EMP2: variants seen among roughly 807,000 people sequenced by gnomAD.
The protein encoded by EMP2 is epithelial membrane protein 2.
Under a neutral mutation model 13.7 loss-of-function variants are expected in EMP2, and 19 were observed. The observed-to-expected ratio is 1.38, with a 90% CI of 0.97 to 2.03. EMP2 has a LOEUF of 2.03. Ranked by LOEUF, EMP2 falls within the 30% of genes most tolerant of loss-of-function variation. The pLI is 0.00. For missense variants in EMP2, 253 were observed against 220.7 expected, an observed-to-expected ratio of 1.15 and a Z score of -0.93; for synonymous variants, 97 against 84.7, an observed-to-expected ratio of 1.15 and a Z score of -0.80.
intron 1 of EMP2, among the ~76,000 whole-genome samples, chr16:10,558,265 C>T (rs2050846982): frequency 6.6e-6 from 1 of 152,088 alleles, no homozygotes; most frequent in African/African-American, 2.4e-5. Context: ...GGCCTCAAGC[C>T]ATCCTCCCAC....
chr16:10,558,497 G>C (rs935983417), intron 1 of EMP2, among the ~76,000 whole-genome samples: 1 of 152,190 alleles, frequency 6.6e-6, no homozygotes, highest in East Asian at 1.9e-4. Context: ...GTGTGTGTGT[G>C]TGTGTGTGTC....
At chr16:10,575,398 C>T (rs928275321) in intron 1 of EMP2, among the ~76,000 whole-genome samples, 13 of 151,622 alleles carry the variant, frequency 8.6e-5, no homozygotes, top group East Asian at 5.9e-4. Flanking sequence ...GGACTACAGG[C>T]GCCCGCCACC....
At chr16:10,565,336 A>G (rs2050900320) in intron 1 of EMP2, among the ~76,000 whole-genome samples, 1 of 152,204 alleles carries the variant, frequency 6.6e-6, no homozygotes, top group Admixed American at 6.5e-5. Context: ...AGTCAAGCAG[A>G]TTGCCCTCCC....
intron 1 of EMP2, among the ~76,000 whole-genome samples, chr16:10,551,429 C>G (rs1027973830): frequency 6.6e-6 from 1 of 152,142 alleles, no homozygotes; most frequent in Non-Finnish European, 1.5e-5. Flanking sequence ...GTTTTTGAGA[C>G]AGAGTCTTGC....
chr16:10,545,061 C>T (rs1430844594), intron 2 of EMP2: 2 of 152,156 alleles, frequency 1.3e-5, no homozygotes, highest in Non-Finnish European at 2.9e-5. Context: ...ATAATGAATA[C>T]CCTCAGACTC....
chr16:10,544,410 A>C (rs2050723977), intron 2 of EMP2: 1 of 151,948 alleles, frequency 6.6e-6, no homozygotes, highest in African/African-American at 2.4e-5. Flanking sequence ...CAAACTTCTG[A>C]CCTCAGGTGA....
At chr16:10,572,375 T>C (rs1489503485) in intron 1 of EMP2, among the ~76,000 whole-genome samples, 2 of 151,710 alleles carry the variant, frequency 1.3e-5, no homozygotes, top group Non-Finnish European at 2.9e-5. Context: ...TGAGCCCAGG[T>C]GTTCGCGGCT....
chr16:10,573,497 A>T (rs1206071594), intron 1 of EMP2, among the ~76,000 whole-genome samples: 1 of 152,182 alleles, frequency 6.6e-6, no homozygotes, highest in Non-Finnish European at 1.5e-5. Flanking sequence ...CTGGATTTTC[A>T]AAACAGTCCC....
chr16:10,564,228 C>T (rs1464827513), intron 1 of EMP2, among the ~76,000 whole-genome samples: 5 of 152,148 alleles, frequency 3.3e-5, no homozygotes, highest in East Asian at 3.9e-4. Flanking sequence ...CAGTGGCTCA[C>T]GCCTGTAATC....
rs997642459 is a variant in EMP2, at chr16:10,532,944, G to A, written c.465C>T (p.Ile155=). 4.4e-6 allele frequency: 7 copies of A among 1,603,820 alleles called. No individual in the cohort carries two copies. In the African/African-American group the frequency reaches 8.0e-5, roughly 18 times the overall value. The change falls in exon 5 of 5, where the codon ATC becomes ATT. Residue 155 remains isoleucine, a synonymous_variant. Transcript: ENST00000359543. ...TCAGTATCAGGTACATCATGCCGCT[G>A]ATGAAGGTGCAGGCGAAGGCCACCC... ...LAWVAFACTF[I]SGMMYLILRK... is the part of the protein sequence containing the mutation.
chr16:10,547,263 A>T (rs1248073606), intron 2 of EMP2: 1 of 356,746 alleles, frequency 2.8e-6, no homozygotes, highest in Non-Finnish European at 5.1e-6. Flanking sequence ...TGTGGTAGTG[A>T]ATAAGTCTCA....
At chr16:10,562,086 T>A (rs993957621) in intron 1 of EMP2, among the ~76,000 whole-genome samples, 1 of 152,140 alleles carries the variant, frequency 6.6e-6, no homozygotes. Flanking sequence ...CAGCATTGCC[T>A]TGATTCCAAA....
At chr16:10,577,081 C>G (rs1047260053) in intron 1 of EMP2, among the ~76,000 whole-genome samples, 3 of 152,170 alleles carry the variant, frequency 2.0e-5, no homozygotes, top group African/African-American at 7.2e-5. Flanking sequence ...CACTGAACTC[C>G]CCTCAGCTGT....
chr16:10,551,078 C>A (rs1255596912), intron 1 of EMP2, among the ~76,000 whole-genome samples: 3 of 152,096 alleles, frequency 2.0e-5, no homozygotes, highest in Non-Finnish European at 4.4e-5. Flanking sequence ...TATCCATCAC[C>A]ACTATCCAGT....
At chr16:10,558,478 AGTGTGT>A (rs61441812) in intron 1 of EMP2, among the ~76,000 whole-genome samples, 3,272 of 149,976 alleles carry the variant, frequency 0.022, 93 homozygotes, top group African/African-American at 0.069. Flanking sequence ...GTTTGCTTAA[AGTGTGT>A]GTGTGTGTGT....
At chr16:10,574,089 C>T (rs1320509027) in intron 1 of EMP2, among the ~76,000 whole-genome samples, 1 of 151,912 alleles carries the variant, frequency 6.6e-6, no homozygotes, top group Non-Finnish European at 1.5e-5. Flanking sequence ...AGGTGCACAC[C>T]ACCAAGCCCA....
chr16:10,547,475 T>A, intron 2 of EMP2, 65 bp downstream of exon 2: 1 of 1,558,556 alleles, frequency 6.4e-7, no homozygotes, highest in Non-Finnish European at 8.8e-7. Context: ...AACAGACCAA[T>A]ACAACCCACT....
intron 1 of EMP2, among the ~76,000 whole-genome samples, chr16:10,575,086 T>C (rs988003474): frequency 2.0e-5 from 3 of 151,932 alleles, no homozygotes; most frequent in Non-Finnish European, 2.9e-5. Flanking sequence ...CCTTGTTGCC[T>C]GAACTTTCTG....
chr16:10,543,233 TAA>T (rs1443096483), intron 3 of EMP2, among the ~76,000 whole-genome samples: 6 of 150,972 alleles, frequency 4.0e-5, no homozygotes, highest in Admixed American at 1.3e-4. Context: ...AAGGCTTGGA[TAA>T]AAAAAGAAGG....
Sources: allele counts gnomAD v4.1 joint callset (sites outside exome capture counted in the v4.1 genomes callset), GRCh38; gene constraint gnomAD v4.1.1; transcripts MANE v1.5; gene names NCBI Gene and HGNC (gene_info 2026-07-23, HGNC 2026-07-21).